ARVCF: variants seen among roughly 807,000 people sequenced by gnomAD.
ARVCF encodes the protein ARVCF delta catenin family member, also known as splicing regulator ARVCF.
A neutral mutation model predicts 90.9 loss-of-function variants in ARVCF; 66 were observed. The observed-to-expected ratio is 0.73, with a 90% CI of 0.60 to 0.89. The LOEUF is 0.89. ARVCF is among the 40% of genes least tolerant of loss of function. The probability of loss-of-function intolerance (pLI) is 0.00; values close to 1 mark genes in which losing one functional copy is unlikely to be tolerated. For missense variants in ARVCF, 1,469 were observed against 1,382.3 expected (o/e 1.06, Z -1.00); for synonymous variants, 653 against 603.4 (o/e 1.08, Z -1.21).
intron 7 of ARVCF, 128 bp downstream of exon 7, chr22:19,978,769 T>G: frequency 8.6e-7 from 1 of 1,165,232 alleles, no homozygotes; most frequent in Non-Finnish European, 1.2e-6. Flanking sequence ...TCCACAGGAC[T>G]TGTGCCACAG....
intron 7 of ARVCF, among the ~76,000 whole-genome samples, chr22:19,978,649 T>TA (rs1479834160): frequency 2.0e-5 from 3 of 151,170 alleles, no homozygotes; most frequent in African/African-American, 7.3e-5. Flanking sequence ...GGAAGGTAGG[T>TA]GAGAGCTGGG....
At chr22:20,014,343 T>C (rs1415685930) in intron 1 of ARVCF, among the ~76,000 whole-genome samples, 1 of 151,214 alleles carries the variant, frequency 6.6e-6, no homozygotes, top group African/African-American at 2.4e-5. Context: ...TACAGGCGCA[T>C]GCCACCATGC....
Position 19,982,081 on chromosome 22 carries a change from G to A in ARVCF, c.221C>T (p.Pro74Leu). 1 of 1,611,460 alleles carries A rather than the reference G, an allele frequency of 6.2e-7. No individual in the cohort carries two copies. Among genetic ancestry groups the A allele is most frequent in the Non-Finnish European group, 8.5e-7 (1 of 1,179,884 alleles). The change falls in exon 4 of 20, where the codon CCA becomes CTA. Residue 74 changes from proline (P) to leucine (L), a missense_variant. Coordinates refer to ENST00000263207, the MANE Select transcript of ARVCF (RefSeq NM_001670.3). ...CGTGGCCAGTGAGGCCTGGCTGCCTGGGCTCTGCTCCTGGGGCAAGGAGGG... is the reference window on the plus strand; with the variant it reads ...CGTGGCCAGTGAGGCCTGGCTGCCTAGGCTCTGCTCCTGGGGCAAGGAGGG... ...WQQLVLQEQSPGSQASLATMP... is the reference protein window; with the variant it reads ...WQQLVLQEQSLGSQASLATMP...
At chr22:20,016,487 T>G (rs1945178692) in intron 1 of ARVCF, 102 bp downstream of exon 1, 1 of 152,128 alleles carries the variant, frequency 6.6e-6, no homozygotes, top group Non-Finnish European at 1.5e-5. Flanking sequence ...TCCGGACCGC[T>G]GCCCGGAATG....
intron 5 of ARVCF, 162 bp from the exon 6 acceptor site, chr22:19,980,404 A>G: frequency 8.9e-7 from 1 of 1,121,726 alleles, no homozygotes; most frequent in Non-Finnish European, 1.2e-6. Context: ...ACAGAGAGTC[A>G]TGCACCAGCC....
chr22:19,981,653 C>A lies in ARVCF; in HGVS notation c.454G>T (p.Gly152Cys). The A allele has an allele frequency of 1.2e-6, 2 of 1,609,440 alleles. No individual in the cohort carries two copies. The highest frequency in any genetic ancestry group is 1.7e-4 in the Middle Eastern group (1 of 6,048). ...TCTGCAAAAGGGCCTAGTGGGGGGC[C>A]GCCATCCAGCAGGGGGAGTCCATCT... Reference protein sequence around the residue: ...GPDGLPLLDGGPPLGPFADGA... With the variant: ...GPDGLPLLDGCPPLGPFADGA... The change falls in exon 5 of 20, where the codon GGC becomes TGC. Residue 152 changes from glycine to cysteine, a missense_variant. Gly to Cys is a radical substitution (Grantham distance 159). Transcript: ENST00000263207.
downstream of ARVCF, chr22:19,969,282 G>A (rs2146202483): frequency 1.3e-5 from 2 of 155,648 alleles, no homozygotes; most frequent in Non-Finnish European, 2.8e-5. Context: ...AGAGGAGTCA[G>A]CCAGCATTCA....
chr22:19,985,950 G>GC (rs1465638902), intron 3 of ARVCF, among the ~76,000 whole-genome samples: 1 of 152,230 alleles, frequency 6.6e-6, no homozygotes, highest in African/African-American at 2.4e-5. Flanking sequence ...AGCCAGGCTG[G>GC]CATCTCTCAC....
chr22:19,980,182 TG>T lies in ARVCF; in HGVS notation c.956del (p.Pro319GlnfsTer3). ...GELADERPAF[P>X]MVTAPLAQPE... ...GCTGGGCCAGGGGCGCCGTCACCAT[TG>T]GGAACGCAGGCCGCTCGTCCGCCAG... On this transcript the variant is annotated frameshift_variant, in exon 6 of 20. Coordinates refer to ENST00000263207, the MANE Select transcript of ARVCF (RefSeq NM_001670.3). LOFTEE classifies it high-confidence loss of function. The T allele has an allele frequency of 6.4e-7, 1 of 1,569,940 alleles. No individual in the cohort carries two copies.
chr22:19,972,762 C>A lies in ARVCF; in HGVS notation c.2616G>T (p.Thr872=), dbSNP rs746957866. ...ALSPGGFDDS[T]LPLVDKSLEG... Reference sequence around the variant, plus strand: ...CAAGGCTCTTGTCCACCAGTGGCAGCGTGCTGTCATCGAAGCCCCCAGGAC... The same window carrying A: ...CAAGGCTCTTGTCCACCAGTGGCAGAGTGCTGTCATCGAAGCCCCCAGGAC... Residue 872 remains threonine, a synonymous_variant, in exon 16 of 20, where the codon ACG becomes ACT. Coordinates refer to ENST00000263207, the MANE Select transcript of ARVCF (RefSeq NM_001670.3). The A allele has an allele frequency of 1.9e-6, 3 of 1,612,580 alleles. No individual in the cohort carries two copies. The highest frequency in any genetic ancestry group is 2.7e-5 in the African/African-American group (2 of 74,888).
intron 3 of ARVCF, among the ~76,000 whole-genome samples, chr22:19,987,908 C>T (rs1394963698): frequency 6.6e-6 from 1 of 152,196 alleles, no homozygotes; most frequent in Non-Finnish European, 1.5e-5. Context: ...CCTAGGGAAT[C>T]TAGTTCTGCT....
chr22:19,984,205 C>A (rs1943647050), intron 3 of ARVCF, among the ~76,000 whole-genome samples: 1 of 152,182 alleles, frequency 6.6e-6, no homozygotes, highest in South Asian at 2.1e-4. Context: ...CAGAGAAAAA[C>A]CCCCTCTTCC....
rs1176248092 is a variant in ARVCF, at chr22:19,971,175, G to C, written c.*12+41C>G. On this transcript the variant is annotated intron_variant, in intron 19 of 19. Coordinates refer to ENST00000263207, the MANE Select transcript of ARVCF (RefSeq NM_001670.3). ...ACTAACAAGAAGCCCTGGCCCAGAG[G>C]GCAGGAACAGGTGGACGAACAACCA... The C allele has an allele frequency of 7.1e-6, 11 of 1,551,114 alleles. No individual in the cohort carries two copies. The African/African-American group carries it at 1.4e-4, about 19-fold the overall frequency.
intron 3 of ARVCF, among the ~76,000 whole-genome samples, chr22:19,983,279 T>C (rs1172846584): frequency 6.6e-6 from 1 of 152,198 alleles, no homozygotes; most frequent in African/African-American, 2.4e-5. Flanking sequence ...CCCTGCACAA[T>C]GGGTCCCTTG....
chr22:19,977,732 C>A, intron 8 of ARVCF, 146 bp from the exon 9 acceptor site: 1 of 1,239,062 alleles, frequency 8.1e-7, no homozygotes, highest in South Asian at 1.6e-5. Flanking sequence ...AGGGCGGTAA[C>A]CGCCAGGAAG....
chr22:20,003,281 T>C (rs140266616), intron 2 of ARVCF, among the ~76,000 whole-genome samples: 1 of 152,238 alleles, frequency 6.6e-6, no homozygotes, highest in African/African-American at 2.4e-5. Context: ...CTACCAAACA[T>C]TCAAGTAATT....
At chr22:20,001,506 A>G (rs1174879640) in intron 2 of ARVCF, among the ~76,000 whole-genome samples, 4 of 152,346 alleles carry the variant, frequency 2.6e-5, no homozygotes, top group East Asian at 3.9e-4. Flanking sequence ...ACAGACCACA[A>G]TGAAAAGGAG....
At position 19,971,713 on chromosome 22, in the gene ARVCF, T is replaced by C. The variant is rs565674630; in HGVS notation, c.2781+173A>G. 1.1e-4 allele frequency among the ~76,000 whole-genome samples: 16 copies of C among 152,280 alleles called. No individual in the cohort carries two copies. The South Asian group carries it at 2.5e-3, about 24-fold the overall frequency. ...TCCCCAGTGGGTGGGAGCTGCAAACTTGTCAGTACCCACAGACTGACTGGC... is the reference window on the plus strand; with the variant it reads ...TCCCCAGTGGGTGGGAGCTGCAAACCTGTCAGTACCCACAGACTGACTGGC... On this transcript the variant is annotated intron_variant, in intron 18 of 19. Coordinates refer to ENST00000263207, the MANE Select transcript of ARVCF (RefSeq NM_001670.3).
At chr22:20,001,791 T>C (rs1349055020) in intron 2 of ARVCF, among the ~76,000 whole-genome samples, 1 of 151,110 alleles carries the variant, frequency 6.6e-6, no homozygotes. Context: ...AAACTTCATC[T>C]CAAAAAAAGA....
Sources: gnomAD v4.1 joint callset for allele counts (sites outside exome capture counted in the v4.1 genomes callset) on GRCh38, gnomAD v4.1.1 for gene constraint, MANE v1.5 for transcripts, NCBI Gene and HGNC (gene_info 2026-07-23, HGNC 2026-07-21) for gene names.